Variants in PAH observed in about 807,000 individuals in gnomAD.
PAH encodes phenylalanine-4-hydroxylase.
In PAH, 64 loss-of-function variants were observed where a neutral mutation model predicts 62.0. That is an observed-to-expected ratio of 1.03 (90% CI 0.84 to 1.27). The LOEUF is 1.27. Ranked by LOEUF, PAH falls within the 50% of genes most tolerant of loss-of-function variation. The pLI is 0.00. For missense variants in PAH, 579 were observed against 542.8 expected, an observed-to-expected ratio of 1.07 and a Z score of -0.66; for synonymous variants, 195 against 196.2, an observed-to-expected ratio of 0.99 and a Z score of 0.05.
intron 8 of PAH, among the ~76,000 whole-genome samples, chr12:102,849,745 A>G (rs1003649520): frequency 6.6e-6 from 1 of 152,168 alleles, no homozygotes; most frequent in Non-Finnish European, 1.5e-5. Flanking sequence ...TCTCTTAGTC[A>G]CCATTCTTTG....
chr12:102,880,759 G>T (rs992293326), intron 3 of PAH, among the ~76,000 whole-genome samples: 1 of 152,130 alleles, frequency 6.6e-6, no homozygotes, highest in South Asian at 2.1e-4. Flanking sequence ...CACGAGATAA[G>T]CAATAAATAA....
upstream of PAH, among the ~76,000 whole-genome samples, chr12:102,919,151 T>TACACCAA (rs1878493619): frequency 2.0e-5 from 3 of 152,210 alleles, no homozygotes; most frequent in African/African-American, 7.2e-5. Flanking sequence ...AAATTCAATC[T>TACACCAA]ATGTTTCACC....
chr12:102,936,159 G>A lies in PAH; in HGVS notation c.-96+14430C>T, dbSNP rs563638913. ...ATTGACCCACTGGTCATTCAGGAAC[G>A]TATTGTTTAATTTCCATGTGTTTGT... On this transcript the variant is annotated intron_variant, in intron 1 of 3. Coordinates refer to the PAH transcript ENST00000546844. Among the ~76,000 whole-genome samples the A allele has an allele frequency of 9.2e-5, 14 of 152,012 alleles. No homozygotes were observed. The East Asian group carries it at 1.4e-3, about 15-fold the overall frequency.
chr12:102,907,281 T>A (rs979317787), intron 2 of PAH, among the ~76,000 whole-genome samples: 3 of 152,174 alleles, frequency 2.0e-5, no homozygotes, highest in South Asian at 2.1e-4. Context: ...TTGCATTTTT[T>A]AAAAAACTCC....
chr12:102,924,664 A>G (rs1486690170), intron 1 of PAH, among the ~76,000 whole-genome samples: 4 of 152,154 alleles, frequency 2.6e-5, no homozygotes, highest in African/African-American at 9.7e-5. Flanking sequence ...TGCCAAGGTA[A>G]AGATAATGCC....
intron 9 of PAH, among the ~76,000 whole-genome samples, chr12:102,846,181 T>G (rs542368971): frequency 2.0e-5 from 3 of 152,328 alleles, no homozygotes; most frequent in Non-Finnish European, 4.4e-5. Context: ...AAAGCAGCTG[T>G]CAGTGAGAAG....
chr12:102,895,668 G>A (rs1210596368), intron 2 of PAH, among the ~76,000 whole-genome samples: 2 of 151,926 alleles, frequency 1.3e-5, no homozygotes. Flanking sequence ...CCAACATGGT[G>A]AAACCCTGTC....
At chr12:102,847,645 A>G (rs1476560562) in intron 8 of PAH, among the ~76,000 whole-genome samples, 2 of 152,218 alleles carry the variant, frequency 1.3e-5, no homozygotes, top group African/African-American at 2.4e-5. Context: ...ATACATAACT[A>G]TGTTAGAAGA....
chr12:102,847,261 A>C, intron 8 of PAH: 1 of 401,696 alleles, frequency 2.5e-6, no homozygotes, highest in South Asian at 2.5e-5. Context: ...TCTTCTCTTG[A>C]CTCCAGCTCA....
intron 1 of PAH, among the ~76,000 whole-genome samples, chr12:102,956,725 G>A (rs1229624856): frequency 2.0e-5 from 3 of 152,058 alleles, no homozygotes; most frequent in Non-Finnish European, 2.9e-5. Context: ...ATGGGGAGGG[G>A]GTGGCGGTAG....
chr12:102,864,873 C>T lies in PAH; in HGVS notation c.509+1723G>A, dbSNP rs538736111. On this transcript the variant is annotated intron_variant, in intron 5 of 12. Transcript: ENST00000553106. ...AAGAGACTATTTTGAAGAAGAAAGA[C>T]ATGGTAAAAAGAGCACCGAAAGCTT... Among the ~76,000 whole-genome samples, 4 of 149,210 alleles carry T rather than the reference C, an allele frequency of 2.7e-5. No individual in the cohort carries two copies. In the East Asian group the frequency reaches 5.9e-4, roughly 22 times the overall value.
intron 1 of PAH, among the ~76,000 whole-genome samples, chr12:102,924,093 G>C (rs1038170127): frequency 2.0e-5 from 3 of 152,186 alleles, no homozygotes; most frequent in Non-Finnish European, 4.4e-5. Flanking sequence ...GTAAAGAGGA[G>C]GGAATACTTC....
At chr12:102,882,883 A>T (rs1222378144) in intron 3 of PAH, among the ~76,000 whole-genome samples, 1 of 151,982 alleles carries the variant, frequency 6.6e-6, no homozygotes, top group Non-Finnish European at 1.5e-5. Flanking sequence ...GCAATATGAC[A>T]CATCTTAGCA....
chr12:102,952,202 C>T (rs1443938297), upstream of PAH, among the ~76,000 whole-genome samples: 1 of 152,142 alleles, frequency 6.6e-6, no homozygotes, highest in Admixed American at 6.5e-5. Context: ...GAATGGACTC[C>T]ACGCTTCTTT....
chr12:102,920,546 T>C (rs1878525320), upstream of PAH, among the ~76,000 whole-genome samples: 1 of 152,212 alleles, frequency 6.6e-6, no homozygotes, highest in South Asian at 2.1e-4. Flanking sequence ...GTTGAGTTAA[T>C]CATAATCCAT....
upstream of PAH, chr12:102,953,493 T>G (rs1593009746): frequency 6.6e-6 from 1 of 152,294 alleles, no homozygotes; most frequent in Admixed American, 6.5e-5. Flanking sequence ...TGGCCTGGCC[T>G]TCAGCTGTGA....
chr12:102,941,322 T>G (rs1473025870), intron 1 of PAH, among the ~76,000 whole-genome samples: 2 of 152,154 alleles, frequency 1.3e-5, no homozygotes, highest in Non-Finnish European at 2.9e-5. Flanking sequence ...TAAACTAGCA[T>G]GTAAGTAGGC....
intron 6 of PAH, chr12:102,854,789 A>G: frequency 2.7e-6 from 1 of 375,336 alleles, no homozygotes; most frequent in Non-Finnish European, 5.1e-6. Context: ...CCTAACTCAT[A>G]ACACAGCAGG....
At chr12:102,920,651 C>G (rs1878527816), upstream of PAH, among the ~76,000 whole-genome samples, 1 of 152,122 alleles carries the variant, frequency 6.6e-6, no homozygotes, top group Non-Finnish European at 1.5e-5. Context: ...CTGCCTTTCC[C>G]CAGAGGCAAC....
Sources: allele counts gnomAD v4.1 joint callset (sites outside exome capture counted in the v4.1 genomes callset), GRCh38; gene constraint gnomAD v4.1.1; transcripts MANE v1.5; gene names NCBI Gene and HGNC (gene_info 2026-07-23, HGNC 2026-07-21).